Variants in COL12A1 observed in about 807,000 individuals in gnomAD.
COL12A1 encodes collagen type XII alpha 1 chain, also known as collagen alpha-1(XII) chain.
Under a neutral mutation model 349.7 loss-of-function variants are expected in COL12A1, and 114 were observed. The ratio of observed to expected loss-of-function variants is 0.33; its 90% CI spans 0.28 to 0.38. The LOEUF is 0.38. Ranked by LOEUF, COL12A1 falls within the 10% of genes least tolerant of loss-of-function variation. The pLI, the probability that COL12A1 is intolerant of heterozygous loss-of-function variation, is 1.00. For missense variants in COL12A1, 3,284 were observed against 3,756.9 expected (o/e 0.87, Z 3.29); for synonymous variants, 1,369 against 1,329.0 (o/e 1.03, Z -0.66).
chr6:75,205,280 C>T (rs1227473813), intron 1 of COL12A1, among the ~76,000 whole-genome samples: 1 of 150,946 alleles, frequency 6.6e-6, no homozygotes, highest in Non-Finnish European at 1.5e-5. Context: ...GAATCTGTTA[C>T]GAGATGCCAC....
At chr6:75,156,785 G>T (rs1767792035) in intron 14 of COL12A1, among the ~76,000 whole-genome samples, 1 of 152,252 alleles carries the variant, frequency 6.6e-6, no homozygotes, top group Non-Finnish European at 1.5e-5. Flanking sequence ...GCCTTCTAGA[G>T]ACTTTAGTAA....
chr6:75,175,186 AC>A lies in COL12A1; in HGVS notation c.2561del (p.Gly854ValfsTer8), dbSNP rs1582179372. The A allele has an allele frequency of 1.9e-6, 3 of 1,612,728 alleles. No individual in the cohort carries two copies. Among genetic ancestry groups the A allele is most frequent in the Non-Finnish European group, 2.5e-6 (3 of 1,179,798 alleles). ...YLVTYTPVAG[G>X]ETQEVTVRGD... is the part of the protein sequence containing the mutation. ...CCCTCACAGTGACCTCTTGAGTTTC[AC>A]CCCCTGCCACTGGGGTATATGTGAC... On this transcript the variant is annotated frameshift_variant, in exon 13 of 66. Transcript: ENST00000322507. LOFTEE classifies it high-confidence loss of function.
intron 14 of COL12A1, among the ~76,000 whole-genome samples, chr6:75,157,615 G>A (rs994983580): frequency 6.6e-6 from 1 of 152,100 alleles, no homozygotes; most frequent in Non-Finnish European, 1.5e-5. Flanking sequence ...CCAGATGGAG[G>A]CTGGTGGCCT....
chr6:75,092,982 C>T (rs1449527272), intron 60 of COL12A1, among the ~76,000 whole-genome samples: 1 of 152,170 alleles, frequency 6.6e-6, no homozygotes, highest in Non-Finnish European at 1.5e-5. Flanking sequence ...CATGCTGTTT[C>T]CTCTGCCTGG....
Position 75,148,212 on chromosome 6 carries a change from G to A in COL12A1, c.4287+146C>T, listed in dbSNP as rs1231537051. The stretch of plus-strand genomic sequence containing the variant: ...CAGACGGAAATGCCTGCCTAGCAAA[G>A]TCAAGAATAGAAAGCACTATTCTTG... On this transcript the variant is annotated intron_variant, in intron 22 of 65. Transcript: ENST00000322507. The A allele has an allele frequency of 4.4e-6, 3 of 677,504 alleles. No individual in the cohort carries two copies. The African/African-American group carries it at 5.6e-5, about 13-fold the overall frequency. 42.0% of individuals were successfully genotyped at this position (677,504 alleles called of 1,614,324 possible). A position where few individuals can be genotyped will look rare whatever the true frequency, so the allele number is the denominator to read the frequency against.
At chr6:75,186,984 G>A (rs1189982991) in intron 8 of COL12A1, among the ~76,000 whole-genome samples, 2 of 152,004 alleles carry the variant, frequency 1.3e-5, no homozygotes, top group Non-Finnish European at 2.9e-5. Flanking sequence ...TTGAAGGTAG[G>A]AGGAGGGAGA....
chr6:75,180,927 A>G lies in COL12A1; in HGVS notation c.2164+12T>C, dbSNP rs1769238572. On this transcript the variant is annotated intron_variant, in intron 11 of 65. Transcript: ENST00000322507. ...CATTTTCTGAATAACAGTGGCAGAA[A>G]CCCCATCACACCTTCTTCGGTGGTC... 6.2e-7 allele frequency: 1 copy of G among 1,601,066 alleles called. No homozygotes were observed. Among genetic ancestry groups the G allele is most frequent in the Non-Finnish European group, 8.5e-7 (1 of 1,171,186 alleles).
At chr6:75,146,290 C>T in intron 23 of COL12A1, 46 bp from the exon 24 acceptor site, 1 of 1,522,916 alleles carries the variant, frequency 6.6e-7, no homozygotes. Context: ...CCTTTCATTC[C>T]ACTCATTTTT....
chr6:75,096,047 T>C (rs76758643), intron 59 of COL12A1, among the ~76,000 whole-genome samples: 1 of 152,210 alleles, frequency 6.6e-6, no homozygotes. Flanking sequence ...CCTTCCATCA[T>C]GTCAGCACCC....
rs760296025 is a variant in COL12A1, at chr6:75,085,197, C to A, written c.*1350G>T. On this transcript the variant is annotated 3_prime_UTR_variant, in exon 66 of 66. Transcript: ENST00000322507. ...CGGCGCGTGATCTCTGGTTCACTGC[C>A]CGGGTCCGTGGGGCAGGGCGCGCCG... The A allele has an allele frequency of 2.4e-5, 11 of 467,132 alleles. No individual in the cohort carries two copies. The highest frequency in any genetic ancestry group is 2.2e-4 in the African/African-American group (11 of 50,154). 28.9% of individuals were successfully genotyped at this position (467,132 alleles called of 1,614,324 possible).
At chr6:75,086,648 GTATATATA>G (rs61611291) in intron 65 of COL12A1, 91 bp from the exon 66 acceptor site, 111 of 288,866 alleles carry the variant, frequency 3.8e-4, no homozygotes, top group Middle Eastern at 3.7e-3. Flanking sequence ...AATGGTTAAA[GTATATATA>G]TATATATATA....
chr6:75,113,184 A>C lies in COL12A1; in HGVS notation c.7950+20T>G, dbSNP rs752468536. 2.4e-5 allele frequency: 32 copies of C among 1,316,782 alleles called. No homozygotes were observed. Among genetic ancestry groups the C allele is most frequent in the Middle Eastern group, 1.9e-4 (1 of 5,218 alleles). 81.6% of individuals were successfully genotyped at this position (1,316,782 alleles called of 1,614,324 possible). A position where few individuals can be genotyped will look rare whatever the true frequency, so the allele number is the denominator to read the frequency against. On this transcript the variant is annotated intron_variant, in intron 51 of 65. Transcript: ENST00000322507. ...ATATTTTTTTCTAGAAATAAGACTC[A>C]AATAATCTTATGTTTTTACCTTGTG...
chr6:75,177,865 T>C lies in COL12A1; in HGVS notation c.2235A>G (p.Gln745=). ...GATATCTTAAAACTCTCCCTGGAGC[T>C]TGAGTCCAAGTAATTTTGAAACTAT... The part of the protein sequence containing the change: ...TTDSFKITWT[Q]APGRVLRYRI... The change falls in exon 12 of 66, where the codon CAA becomes CAG. Residue 745 remains glutamine (Q), a synonymous_variant. Transcript: ENST00000322507. 2 of 1,613,986 alleles carry C rather than the reference T, an allele frequency of 1.2e-6. No homozygotes were observed. The highest frequency in any genetic ancestry group is 1.7e-6 in the Non-Finnish European group (2 of 1,180,026).
Position 75,125,216 on chromosome 6 carries a change from TTG to T in COL12A1, c.6516_6517del (p.His2172GlnfsTer17). The T allele has an allele frequency of 6.2e-7, 1 of 1,612,036 alleles. No homozygotes were observed. Among genetic ancestry groups the T allele is most frequent in the Non-Finnish European group, 8.5e-7 (1 of 1,178,806 alleles). On this transcript the variant is annotated frameshift_variant, in exon 40 of 66. Transcript: ENST00000322507. LOFTEE classifies it high-confidence loss of function. The stretch of plus-strand genomic sequence containing the variant: ...ATCGTAGGTGGTGCTGGGATTGAGA[TTG>T]TGTAAGGTATATGATGTCATTTCTC...
intron 54 of COL12A1, among the ~76,000 whole-genome samples, chr6:75,104,272 A>G (rs942634095): frequency 4.6e-5 from 7 of 152,196 alleles, no homozygotes; most frequent in African/African-American, 1.7e-4. Flanking sequence ...TTACCTCACT[A>G]CTACAGGGGA....
At position 75,109,082 on chromosome 6, in the gene COL12A1, T is replaced by C. The variant is rs1232271738; in HGVS notation, c.8036A>G (p.Asn2679Ser). 6.2e-7 allele frequency: 1 copy of C among 1,612,454 alleles called. No individual in the cohort carries two copies. Among genetic ancestry groups the C allele is most frequent in the Non-Finnish European group, 8.5e-7 (1 of 1,179,190 alleles). The change falls in exon 52 of 66, where the codon AAT becomes AGT. Residue 2679 changes from asparagine to serine, a missense_variant. Coordinates refer to ENST00000322507, the MANE Select transcript of COL12A1 (RefSeq NM_004370.6). ...IIEKDIKEAG[N>S]ITTDGYEILG... Reference sequence around the variant, plus strand: ...AATTTCATAACCATCAGTTGTTATATTTCCAGCTTCCTTGATGTCTTTTTC... The same window carrying C: ...AATTTCATAACCATCAGTTGTTATACTTCCAGCTTCCTTGATGTCTTTTTC...
intron 16 of COL12A1, among the ~76,000 whole-genome samples, chr6:75,155,158 G>A (rs1767688823): frequency 6.6e-6 from 1 of 152,122 alleles, no homozygotes; most frequent in South Asian, 2.1e-4. Flanking sequence ...ACAGCCTGGA[G>A]CTGGACCTTT....
rs1194624605 is a variant in COL12A1, at chr6:75,117,023, C to A, written c.7519+359G>T. Among the ~76,000 whole-genome samples, 6 of 152,078 alleles carry A rather than the reference C, an allele frequency of 3.9e-5. No individual in the cohort carries two copies. The East Asian group carries it at 1.2e-3, about 29-fold the overall frequency. On this transcript the variant is annotated intron_variant, in intron 47 of 65. Coordinates refer to ENST00000322507, the MANE Select transcript of COL12A1 (RefSeq NM_004370.6). ...TCTTGAAGCACGGATGTTGACAGAA[C>A]AAATACCAATTGATTACTAATGGGG... is the stretch of plus-strand genomic sequence containing the variant.
intron 20 of COL12A1, 81 bp downstream of exon 20, chr6:75,151,786 T>A: frequency 7.3e-7 from 1 of 1,368,108 alleles, no homozygotes. Context: ...TTTTCATGCT[T>A]CAGATAAAAC....
Sources: allele counts gnomAD v4.1 joint callset (sites outside exome capture counted in the v4.1 genomes callset), GRCh38; gene constraint gnomAD v4.1.1; transcripts MANE v1.5; gene names NCBI Gene and HGNC (gene_info 2026-07-23, HGNC 2026-07-21).